The following RNF111 variants were observed in gnomAD, a reference collection of about 807,000 sequenced individuals.
RNF111 encodes ring finger protein 111.
In RNF111, 17 loss-of-function variants were observed where a neutral mutation model predicts 95.1. The ratio of observed to expected loss-of-function variants is 0.18; its 90% CI spans 0.12 to 0.27. The LOEUF is 0.27. Ranked by LOEUF, RNF111 falls within the 10% of genes least tolerant of loss-of-function variation. The probability of loss-of-function intolerance (pLI) is 1.00; values close to 1 mark genes in which losing one functional copy is unlikely to be tolerated. For synonymous variants in RNF111, 440 were observed against 414.8 expected (o/e 1.06, Z -0.74); for missense variants, 1,189 against 1,210.4 (o/e 0.98, Z 0.26).
At chr15:59,070,690 T>A (rs2042882866) in intron 6 of RNF111, among the ~76,000 whole-genome samples, 1 of 152,136 alleles carries the variant, frequency 6.6e-6, no homozygotes, top group Admixed American at 6.5e-5. Context: ...CTCCTCCTTT[T>A]CTCTTTCCCA....
chr15:59,019,108 T>A (rs1240070855), intron 1 of RNF111, among the ~76,000 whole-genome samples: 5 of 147,548 alleles, frequency 3.4e-5, no homozygotes, highest in African/African-American at 1.2e-4. Context: ...TTTTTGTATT[T>A]TTTTTTTTTT....
At chr15:59,061,581 C>T (rs1187324456) in intron 5 of RNF111, among the ~76,000 whole-genome samples, 1 of 152,154 alleles carries the variant, frequency 6.6e-6, no homozygotes, top group Non-Finnish European at 1.5e-5. Context: ...CTTCCAATGC[C>T]TCCATATAAA....
chr15:59,047,582 T>C (rs551862118), intron 2 of RNF111, among the ~76,000 whole-genome samples: 2 of 152,198 alleles, frequency 1.3e-5, no homozygotes, highest in Non-Finnish European at 2.9e-5. Flanking sequence ...TTTTTAATTA[T>C]TATTATGTTT....
chr15:59,037,156 C>A (rs2041221084), intron 2 of RNF111, among the ~76,000 whole-genome samples: 1 of 152,052 alleles, frequency 6.6e-6, no homozygotes, highest in Admixed American at 6.6e-5. Context: ...TTATAATCAA[C>A]AGATTTCTGG....
At chr15:59,070,440 A>G (rs2042867603) in intron 6 of RNF111, among the ~76,000 whole-genome samples, 1 of 152,228 alleles carries the variant, frequency 6.6e-6, no homozygotes, top group African/African-American at 2.4e-5. Flanking sequence ...GGTCACCTTC[A>G]TAAGATGTTG....
intron 8 of RNF111, among the ~76,000 whole-genome samples, chr15:59,082,870 T>G (rs1294360873): frequency 6.6e-6 from 1 of 152,256 alleles, no homozygotes; most frequent in Non-Finnish European, 1.5e-5. Context: ...TAGTAACCTT[T>G]TATATAGAAA....
chr15:59,012,962 C>T (rs1437421630), intron 1 of RNF111, among the ~76,000 whole-genome samples: 3 of 152,118 alleles, frequency 2.0e-5, no homozygotes, highest in Admixed American at 6.5e-5. Flanking sequence ...TGGTCTTGAA[C>T]TCCTGACCTC....
chr15:59,073,569 A>G (rs1321885588), intron 6 of RNF111, among the ~76,000 whole-genome samples: 8 of 152,100 alleles, frequency 5.3e-5, no homozygotes, highest in East Asian at 3.8e-4. Context: ...CGGCAATTCA[A>G]TCACATCTTC....
chr15:59,066,985 C>G lies in RNF111; in HGVS notation c.1588C>G (p.Pro530Ala), dbSNP rs747230986. The change falls in exon 6 of 14, where the codon CCT becomes GCT. Residue 530 changes from proline (P) to alanine (A), a missense_variant. Pro to Ala is a conservative substitution (Grantham distance 27, BLOSUM62 -1). Around this residue, in one of 2 missense-constraint regions of RNF111, gnomAD observed 1,024 missense variants for 925.9 expected, o/e 1.11. Transcript: ENST00000348370. ...TCCCCACCCAGCTGTCCCAGTTTCT[C>G]CTTCCTTTAGTGATCCTGCTTGCCC... ...HTPHPAVPVS[P>A]SFSDPACPVE... is the part of the protein sequence containing the mutation. 6.2e-6 allele frequency: 10 copies of G among 1,614,144 alleles called. No individual in the cohort carries two copies. Among genetic ancestry groups the G allele is most frequent in the Non-Finnish European group, 7.6e-6 (9 of 1,180,020 alleles).
At chr15:59,049,931 G>A (rs1468973401) in intron 2 of RNF111, among the ~76,000 whole-genome samples, 2 of 150,568 alleles carry the variant, frequency 1.3e-5, no homozygotes, top group African/African-American at 2.4e-5. Flanking sequence ...TAGTAGAGAT[G>A]GAGTTTTACC....
intron 2 of RNF111, among the ~76,000 whole-genome samples, chr15:59,037,288 T>A (rs1357695844): frequency 6.6e-6 from 1 of 152,212 alleles, no homozygotes; most frequent in African/African-American, 2.4e-5. Context: ...GTTAAACATT[T>A]AGTTTTTCCC....
Position 59,058,283 on chromosome 15 carries a change from T to A in RNF111, c.1172-73T>A, listed in dbSNP as rs562891106. 1.3e-5 allele frequency: 16 copies of A among 1,204,562 alleles called. No homozygotes were observed. The East Asian group carries it at 3.7e-4, about 28-fold the overall frequency. The allele number at this position is 1,204,562 out of a possible 1,614,324, so 74.6% of individuals were successfully genotyped here. On this transcript the variant is annotated intron_variant, in intron 4 of 13. Coordinates refer to ENST00000348370, the MANE Select transcript of RNF111 (RefSeq NM_017610.8). ...TTTTTATTTATTAATTATAAACACA[T>A]TAGCTTACATTAAAATATAACCCTT...
Position 59,000,163 on chromosome 15 carries a change from CTT to C in RNF111, c.-20+12112_-20+12113del, listed in dbSNP as rs71425835. Among the ~76,000 whole-genome samples, 299 of 132,046 alleles carry C rather than the reference CTT, an allele frequency of 2.3e-3. 1 individual carries two copies. Among genetic ancestry groups the C allele is most frequent in the African/African-American group, 7.3e-3 (252 of 34,602 alleles). 86.6% of individuals were successfully genotyped at this position (132,046 alleles called of 152,430 possible). ...GATCTTCCAGTGATTTTTTTTTTCCCTTTTTTTTTTTTTTTTTTGAGACAGGG... is the reference window on the plus strand; with the variant it reads ...GATCTTCCAGTGATTTTTTTTTTCCCTTTTTTTTTTTTTTTTGAGACAGGG... On this transcript the variant is annotated intron_variant, in intron 1 of 13. Coordinates refer to ENST00000348370, the MANE Select transcript of RNF111 (RefSeq NM_017610.8).
chr15:59,035,625 C>T (rs112656959), intron 2 of RNF111, among the ~76,000 whole-genome samples: 238 of 152,300 alleles, frequency 1.6e-3, no homozygotes, highest in African/African-American at 5.1e-3. Flanking sequence ...TGCTTCCTCT[C>T]GAATGGTTTG....
In RNF111 at chr15:59,089,657, GTTGAA is replaced by G. The variant is rs2078994194; in HGVS notation, c.2551-9_2551-5del. On this transcript the variant is annotated splice_region_variant and splice_polypyrimidine_tract_variant and intron_variant, in intron 10 of 13. Coordinates refer to ENST00000348370, the MANE Select transcript of RNF111 (RefSeq NM_017610.8). ...AAAATTGATTTAGCCTATCTCTTCT[GTTGAA>G]ATAGGTTCCTGATATGGCAGGCTAT... The G allele has an allele frequency of 2.5e-6, 4 of 1,603,172 alleles. No individual in the cohort carries two copies. The East Asian group carries it at 8.9e-5, about 36-fold the overall frequency.
At chr15:58,997,200 C>T (rs1313056507) in intron 1 of RNF111, among the ~76,000 whole-genome samples, 1 of 152,006 alleles carries the variant, frequency 6.6e-6, no homozygotes, top group African/African-American at 2.4e-5. Context: ...TCCTATGACC[C>T]AAGTCTTTTC....
intron 1 of RNF111, among the ~76,000 whole-genome samples, chr15:59,027,560 G>A (rs908630985): frequency 6.7e-6 from 1 of 149,692 alleles, no homozygotes; most frequent in African/African-American, 2.5e-5. Flanking sequence ...ACAGAGTCTT[G>A]CTCTGTTGCC....
intron 3 of RNF111, among the ~76,000 whole-genome samples, chr15:59,053,940 ATTAT>A (rs1596216728): frequency 6.6e-6 from 1 of 151,742 alleles, no homozygotes; most frequent in East Asian, 1.9e-4. Context: ...ATTTTACTTA[ATTAT>A]TTATTTTTTG....
intron 6 of RNF111, among the ~76,000 whole-genome samples, chr15:59,072,450 CTT>C (rs35989790): frequency 0.2 from 20,415 of 100,858 alleles, 893 homozygotes; most frequent in East Asian, 0.31. Context: ...TCATTTCCAT[CTT>C]TTTTTTTTTT....
Sources: allele counts gnomAD v4.1 joint callset (sites outside exome capture counted in the v4.1 genomes callset), GRCh38; gene constraint gnomAD v4.1.1; regional missense constraint gnomAD v4.1.1; transcripts MANE v1.5; gene names NCBI Gene and HGNC (gene_info 2026-07-23, HGNC 2026-07-21).